COL27A1: variants seen among roughly 807,000 people sequenced by gnomAD.
COL27A1 encodes the protein collagen type XXVII alpha 1 chain.
COL27A1 carries 106 observed loss-of-function variants against 251.3 expected under a neutral mutation model. The ratio of observed to expected loss-of-function variants is 0.42; its 90% CI spans 0.36 to 0.50. The LOEUF (loss-of-function observed/expected upper bound fraction) is 0.50, where lower values mean the gene tolerates loss of function less well. COL27A1 is among the 20% of genes least tolerant of loss of function. The pLI, the probability that COL27A1 is intolerant of heterozygous loss-of-function variation, is 0.00. For missense variants in COL27A1, 2,325 were observed against 2,522.8 expected (o/e 0.92, Z 1.68); for synonymous variants, 1,000 against 986.3 (o/e 1.01, Z -0.26).
At position 114,163,809 on chromosome 9, in the gene COL27A1, C is replaced by G. The variant is rs553168576; in HGVS notation, c.133+1024C>G. ...TATTTTCCAAGCTTGCTGTTTCCCC[C>G]ACAAAGTAGGTGAACAGCTGTCCAG... is the stretch of plus-strand genomic sequence containing the variant. On this transcript the variant is annotated intron_variant, in intron 2 of 60. Transcript: ENST00000356083. 2.4e-3 allele frequency among the ~76,000 whole-genome samples: 358 copies of G among 151,688 alleles called. 2 individuals carry two copies. The highest frequency in any genetic ancestry group is 3.4e-3 in the Middle Eastern group (1 of 292).
In COL27A1 at chr9:114,211,040, G is replaced by A. The variant is rs762500540; in HGVS notation, c.2367+14G>A. 5 of 1,613,996 alleles carry A rather than the reference G, an allele frequency of 3.1e-6. No individual in the cohort carries two copies. Among genetic ancestry groups the A allele is most frequent in the African/African-American group, 1.3e-5 (1 of 74,942 alleles). ...ATGGGTATGCCGGTAAAGATTTTCC[G>A]TGTCTATTACGCAGACTCTAGCGGG... On this transcript the variant is annotated intron_variant, in intron 12 of 60. Transcript: ENST00000356083.
At chr9:114,229,949 T>C (rs2135425308) in intron 14 of COL27A1, among the ~76,000 whole-genome samples, 1 of 152,332 alleles carries the variant, frequency 6.6e-6, no homozygotes, top group African/African-American at 2.4e-5. Context: ...GGCCTCTGCC[T>C]ACCAGACGCC....
rs1285280683 is a variant in COL27A1 at position 114,286,659 on chromosome 9, T to C, written c.3988-1796T>C. Among the ~76,000 whole-genome samples the C allele has an allele frequency of 3.3e-5, 5 of 152,258 alleles. No individual in the cohort carries two copies. The East Asian group carries it at 9.7e-4, about 29-fold the overall frequency. On this transcript the variant is annotated intron_variant, in intron 41 of 60. Transcript: ENST00000356083. ...TAATGCTAAATGACGAGTTAATGGG[T>C]GCAGCACAGCAACATGGCACATGTA... is the stretch of plus-strand genomic sequence containing the variant.
At position 114,288,472 on chromosome 9, in the gene COL27A1, C is replaced by T. The variant is rs144970840; in HGVS notation, c.4005C>T (p.Asp1335=). The change falls in exon 42 of 61, where the codon GAC becomes GAT. Residue 1335 remains aspartate (D), a synonymous_variant. Coordinates refer to ENST00000356083, the MANE Select transcript of COL27A1 (RefSeq NM_032888.4). ...GTCCACAGGGGGAGCAGGGCGAGGA[C>T]GGCAAGGCTGAGGGGCCCCCTGGGC... The part of the protein sequence containing the change: ...PKGEKGEQGE[D]GKAEGPPGPP... 2.3e-5 allele frequency: 37 copies of T among 1,610,118 alleles called. No homozygotes were observed. The highest frequency in any genetic ancestry group is 2.7e-5 in the African/African-American group (2 of 74,950).
At chr9:114,189,955 TG>T (rs1446185976) in intron 5 of COL27A1, among the ~76,000 whole-genome samples, 4 of 152,364 alleles carry the variant, frequency 2.6e-5, no homozygotes, top group Non-Finnish European at 4.4e-5. Context: ...AAGAACATAT[TG>T]TTGTCTCATT....
chr9:114,169,408 C>G lies in COL27A1; in HGVS notation c.1853C>G (p.Thr618Arg). The G allele has an allele frequency of 6.3e-7, 1 of 1,594,276 alleles. No homozygotes were observed. The highest frequency in any genetic ancestry group is 8.5e-7 in the Non-Finnish European group (1 of 1,171,580). Residue 618 changes from threonine (T) to arginine (R), a missense_variant, in exon 3 of 61, where the codon ACG becomes AGG. This residue lies in a region of COL27A1 where 1,183 missense variants were observed against 1,144.1 expected (regional missense o/e 1.03). Transcript: ENST00000356083. ...GYSIFHLAGS[T>R]PFPLLMGPPG... Reference sequence around the variant, plus strand: ...TCGATCTTCCACCTGGCAGGATCTACGCCTTTCCCTCTGCTGATGGGGCCT... The same window carrying G: ...TCGATCTTCCACCTGGCAGGATCTAGGCCTTTCCCTCTGCTGATGGGGCCT...
At chr9:114,212,239 CT>C (rs1172718354) in intron 12 of COL27A1, among the ~76,000 whole-genome samples, 1 of 152,224 alleles carries the variant, frequency 6.6e-6, no homozygotes, top group Non-Finnish European at 1.5e-5. Flanking sequence ...ATGCTCCCAG[CT>C]TCAGGGCAAG....
chr9:114,166,130 T>C (rs1291014868), intron 2 of COL27A1, among the ~76,000 whole-genome samples: 1 of 151,772 alleles, frequency 6.6e-6, no homozygotes, highest in Non-Finnish European at 1.5e-5. Flanking sequence ...CATCTATTCA[T>C]CCATTTATCC....
chr9:114,200,193 G>A (rs921991960), intron 7 of COL27A1, among the ~76,000 whole-genome samples: 1 of 152,156 alleles, frequency 6.6e-6, no homozygotes, highest in African/African-American at 2.4e-5. Flanking sequence ...ATTCCATAGA[G>A]TTCCTCTCAA....
At chr9:114,156,742 C>G (rs1848145915) in intron 1 of COL27A1, among the ~76,000 whole-genome samples, 1 of 152,110 alleles carries the variant, frequency 6.6e-6, no homozygotes, top group South Asian at 2.1e-4. Context: ...CTCCCAGGAG[C>G]GGCTGCGCGG....
chr9:114,217,895 C>A (rs1291710343), intron 12 of COL27A1: 1 of 459,552 alleles, frequency 2.2e-6, no homozygotes, highest in Admixed American at 2.4e-5. Context: ...AGGCAGATCG[C>A]TTGAGCCCAG....
chr9:114,256,495 C>A (rs372327122), intron 27 of COL27A1, among the ~76,000 whole-genome samples: 1 of 152,020 alleles, frequency 6.6e-6, no homozygotes, highest in East Asian at 1.9e-4. Flanking sequence ...TCCATCTCAA[C>A]AAAAAAAGAT....
At chr9:114,309,203 CGGTGTGGGG>C in intron 59 of COL27A1, 48 bp from the exon 60 acceptor site, 1 of 1,431,408 alleles carries the variant, frequency 7.0e-7, no homozygotes, top group Non-Finnish European at 9.9e-7. Flanking sequence ...AGGGAACCCT[CGGTGTGGGG>C]GGTGTGGGGG....
Position 114,277,502 on chromosome 9 carries a change from A to G in COL27A1, c.3717+1734A>G, listed in dbSNP as rs1226277149. 2.0e-5 allele frequency among the ~76,000 whole-genome samples: 3 copies of G among 152,244 alleles called. No individual in the cohort carries two copies. In the South Asian group the frequency reaches 6.2e-4, roughly 31 times the overall value. On this transcript the variant is annotated intron_variant, in intron 37 of 60. Coordinates refer to ENST00000356083, the MANE Select transcript of COL27A1 (RefSeq NM_032888.4). ...AGTGTTTACATGACTAACCTAGGACAGATCCAAGTTAGCCTGCAACAAACT... is the reference window on the plus strand; with the variant it reads ...AGTGTTTACATGACTAACCTAGGACGGATCCAAGTTAGCCTGCAACAAACT...
rs773127115 is a variant in COL27A1 at position 114,300,672 on chromosome 9, G to A, written c.4686G>A (p.Gly1562=). 6.6e-7 allele frequency: 1 copy of A among 1,512,750 alleles called. No individual in the cohort carries two copies. The highest frequency in any genetic ancestry group is 2.3e-5 in the Admixed American group (1 of 43,032). 93.7% of individuals were successfully genotyped at this position (1,512,750 alleles called of 1,614,324 possible). Residue 1562 remains glycine, a synonymous_variant, in exon 51 of 61, where the codon GGG becomes GGA. Coordinates refer to ENST00000356083, the MANE Select transcript of COL27A1 (RefSeq NM_032888.4). ...TCAAAGGCATCCAGGGCCCTCGGGGGCCACCTGGCTTGATGGTGAGTTCCC... is the reference window on the plus strand; with the variant it reads ...TCAAAGGCATCCAGGGCCCTCGGGGACCACCTGGCTTGATGGTGAGTTCCC... ...IGFKGIQGPR[G]PPGLMGKEGI... is the part of the protein sequence containing the mutation.
intron 2 of COL27A1, among the ~76,000 whole-genome samples, chr9:114,165,343 T>TCATCCATC: frequency 6.6e-6 from 1 of 152,012 alleles, no homozygotes; most frequent in African/African-American, 2.4e-5. Flanking sequence ...TATCTATCCA[T>TCATCCATC]CATCCATCCA....
intron 3 of COL27A1, among the ~76,000 whole-genome samples, chr9:114,175,236 C>T (rs984729014): frequency 3.3e-5 from 5 of 152,204 alleles, no homozygotes; most frequent in Non-Finnish European, 7.3e-5. Context: ...GGCCTGAGCC[C>T]CCGCTCTGCT....
intron 21 of COL27A1, among the ~76,000 whole-genome samples, chr9:114,241,341 C>G (rs915382482): frequency 6.6e-6 from 1 of 152,266 alleles, no homozygotes; most frequent in Non-Finnish European, 1.5e-5. Context: ...GATCCCTTCT[C>G]GGGCTGGCTC....
At chr9:114,205,941 G>A (rs568058532) in intron 9 of COL27A1, 129 bp downstream of exon 9, 152 of 831,658 alleles carry the variant, frequency 1.8e-4, no homozygotes, top group Non-Finnish European at 7.1e-5. Context: ...CCCTAAGGAG[G>A]GGGCTTTCCA....
Sources: gnomAD v4.1 joint callset for allele counts (sites outside exome capture counted in the v4.1 genomes callset) on GRCh38, gnomAD v4.1.1 for gene constraint, gnomAD v4.1.1 regional missense constraint, MANE v1.5 for transcripts, NCBI Gene and HGNC (gene_info 2026-07-23, HGNC 2026-07-21) for gene names.